DTWD2: variants seen among roughly 807,000 people sequenced by gnomAD.
The protein encoded by DTWD2 is tRNA-uridine aminocarboxypropyltransferase 2.
Under a neutral mutation model 31.8 loss-of-function variants are expected in DTWD2, and 39 were observed. The ratio of observed to expected loss-of-function variants is 1.22; its 90% CI spans 0.95 to 1.60. The LOEUF is 1.60. Ranked by LOEUF, DTWD2 falls within the 40% of genes most tolerant of loss-of-function variation. The pLI is 0.00. For missense variants in DTWD2, 515 were observed against 381.5 expected (o/e 1.35, Z -2.92); for synonymous variants, 180 against 142.8 (o/e 1.26, Z -1.86).
chr5:118,970,369 G>A (rs1020653783), intron 1 of DTWD2, among the ~76,000 whole-genome samples: 2 of 152,204 alleles, frequency 1.3e-5, no homozygotes, highest in African/African-American at 2.4e-5. Flanking sequence ...GGAGATTGCA[G>A]TGAACCAAGA....
chr5:118,944,377 C>A (rs902959473), intron 2 of DTWD2, among the ~76,000 whole-genome samples, 182 bp downstream of exon 2: 7 of 152,162 alleles, frequency 4.6e-5, no homozygotes, highest in Admixed American at 2.6e-4. Flanking sequence ...CTCTCTAGAG[C>A]ATAAGACTCT....
At chr5:118,919,126 AC>A in intron 4 of DTWD2, among the ~76,000 whole-genome samples, 1 of 152,328 alleles carries the variant, frequency 6.6e-6, no homozygotes, top group East Asian at 1.9e-4. Flanking sequence ...TCAGAGACAG[AC>A]TTTTAATTGC....
At chr5:118,858,694 T>A (rs1268339749) in intron 4 of DTWD2, among the ~76,000 whole-genome samples, 1 of 152,222 alleles carries the variant, frequency 6.6e-6, no homozygotes, top group South Asian at 2.1e-4. Flanking sequence ...TGCTATTTTA[T>A]TCCTATAAGC....
At chr5:118,981,686 C>T (rs1187263182) in intron 1 of DTWD2, among the ~76,000 whole-genome samples, 1 of 151,968 alleles carries the variant, frequency 6.6e-6, no homozygotes, top group Non-Finnish European at 1.5e-5. Context: ...TCAGCCTCCC[C>T]GAATCTGCCT....
At chr5:118,900,525 A>G (rs1753181381) in intron 4 of DTWD2, among the ~76,000 whole-genome samples, 2 of 152,242 alleles carry the variant, frequency 1.3e-5, no homozygotes, top group African/African-American at 4.8e-5. Flanking sequence ...AAATGTATCT[A>G]AAACTATAGT....
chr5:118,982,846 G>A (rs1233213785), intron 1 of DTWD2, among the ~76,000 whole-genome samples: 2 of 151,662 alleles, frequency 1.3e-5, no homozygotes, highest in African/African-American at 2.4e-5. Flanking sequence ...TCACCACCAC[G>A]CCCGGCTAAT....
chr5:118,884,398 T>A (rs1752809609), intron 4 of DTWD2, among the ~76,000 whole-genome samples: 1 of 152,224 alleles, frequency 6.6e-6, no homozygotes, highest in Non-Finnish European at 1.5e-5. Context: ...GAAATCAGTG[T>A]CTATGAACCA....
intron 4 of DTWD2, among the ~76,000 whole-genome samples, chr5:118,897,914 G>A (rs1001955877): frequency 1.3e-5 from 2 of 152,082 alleles, no homozygotes; most frequent in Non-Finnish European, 2.9e-5. Context: ...CTACGCCCAG[G>A]GTGGAGTGCA....
intron 4 of DTWD2, among the ~76,000 whole-genome samples, chr5:118,910,865 C>T (rs972714562): frequency 5.9e-5 from 9 of 152,140 alleles, no homozygotes; most frequent in Admixed American, 5.9e-4. Context: ...AGAAATGGCA[C>T]CTTCTATGTG....
chr5:118,905,781 C>T (rs956903529), intron 4 of DTWD2, among the ~76,000 whole-genome samples: 10 of 152,038 alleles, frequency 6.6e-5, no homozygotes, highest in Non-Finnish European at 1.2e-4. Flanking sequence ...TCTCTTCCCA[C>T]CCTTCATGCA....
chr5:118,869,602 C>T (rs1049468921), intron 4 of DTWD2, among the ~76,000 whole-genome samples: 2 of 152,106 alleles, frequency 1.3e-5, no homozygotes, highest in African/African-American at 2.4e-5. Flanking sequence ...GTTCATCCTC[C>T]CCAGTAAATC....
chr5:118,963,441 T>C (rs1253685366), intron 1 of DTWD2, among the ~76,000 whole-genome samples: 1 of 151,986 alleles, frequency 6.6e-6, no homozygotes, highest in East Asian at 1.9e-4. Flanking sequence ...GAAAGGGGTG[T>C]ATGGAGGAGG....
intron 1 of DTWD2, among the ~76,000 whole-genome samples, chr5:118,985,517 T>TATATATATATATATATATATACAC (rs1554072595): frequency 1.9e-5 from 2 of 107,728 alleles, no homozygotes; most frequent in African/African-American, 3.2e-5. Flanking sequence ...TATATATATA[T>TATATATATATATATATATATACAC]ACACACACAT....
intron 3 of DTWD2, among the ~76,000 whole-genome samples, chr5:118,937,517 T>C (rs988777837): frequency 6.6e-6 from 1 of 152,190 alleles, no homozygotes; most frequent in African/African-American, 2.4e-5. Flanking sequence ...TAGTTAAAAC[T>C]TTCCCTCCCT....
chr5:118,920,959 T>C (rs1561456027), intron 4 of DTWD2, among the ~76,000 whole-genome samples: 1 of 152,162 alleles, frequency 6.6e-6, no homozygotes, highest in Non-Finnish European at 1.5e-5. Flanking sequence ...TGGATGGAAG[T>C]AGGGAGGCAG....
At chr5:118,933,298 T>C (rs914167766) in intron 3 of DTWD2, among the ~76,000 whole-genome samples, 2 of 152,134 alleles carry the variant, frequency 1.3e-5, no homozygotes, top group African/African-American at 4.8e-5. Flanking sequence ...AGACAGAACA[T>C]TGCCTAATTC....
At chr5:118,897,877 T>G (rs941233129) in intron 4 of DTWD2, among the ~76,000 whole-genome samples, 4 of 152,198 alleles carry the variant, frequency 2.6e-5, no homozygotes, top group African/African-American at 7.2e-5. Context: ...TTAAATAATT[T>G]CTTTTTTTTG....
chr5:118,841,193 T>C lies in DTWD2; in HGVS notation c.727-106A>G, dbSNP rs1317845739. ...AGTTACTATGTTTCTTTTATTATGA[T>C]TGGCTTTTAACTATGAGAAACACTA... On this transcript the variant is annotated intron_variant, in intron 5 of 5. Coordinates refer to ENST00000510708, the MANE Select transcript of DTWD2 (RefSeq NM_173666.4). 4.5e-6 allele frequency: 6 copies of C among 1,328,514 alleles called. No homozygotes were observed. In the African/African-American group the frequency reaches 6.0e-5, roughly 13 times the overall value. 82.3% of individuals were successfully genotyped at this position (1,328,514 alleles called of 1,614,324 possible).
chr5:118,943,280 G>A (rs1018874474), intron 2 of DTWD2, among the ~76,000 whole-genome samples: 5 of 152,140 alleles, frequency 3.3e-5, no homozygotes, highest in African/African-American at 7.2e-5. Flanking sequence ...GGCCAGGTGC[G>A]GTGGCTCACG....
Sources: allele counts gnomAD v4.1 joint callset (sites outside exome capture counted in the v4.1 genomes callset), GRCh38; gene constraint gnomAD v4.1.1; transcripts MANE v1.5; gene names NCBI Gene and HGNC (gene_info 2026-07-23, HGNC 2026-07-21).